The following RBPMS variants were observed in gnomAD, a reference collection of about 807,000 sequenced individuals.
The protein encoded by RBPMS is RNA-binding protein with multiple splicing.
RBPMS carries 7 observed loss-of-function variants against 26.8 expected under a neutral mutation model. The ratio of observed to expected loss-of-function variants is 0.26; its 90% CI spans 0.15 to 0.49. The LOEUF is 0.49. Among genes scored for constraint, RBPMS ranks in the 20% least tolerant of loss-of-function variants. RBPMS has a pLI of 0.98. For missense variants in RBPMS, 186 were observed against 250.0 expected, an observed-to-expected ratio of 0.74 and a Z score of 1.73; for synonymous variants, 96 against 93.3, an observed-to-expected ratio of 1.03 and a Z score of -0.17.
intron 4 of RBPMS, among the ~76,000 whole-genome samples, chr8:30,497,725 T>TG (rs1485541050): frequency 2.0e-5 from 3 of 152,026 alleles, no homozygotes; most frequent in African/African-American, 7.2e-5. Context: ...CACACAGTTC[T>TG]CCTGCCTCAG....
chr8:30,545,446 T>G (rs985336257), intron 6 of RBPMS: 2 of 1,011,760 alleles, frequency 2.0e-6, no homozygotes, highest in African/African-American at 3.5e-5. Flanking sequence ...CAAAGATTGA[T>G]GACCAGTAAC....
chr8:30,437,749 C>T (rs6997463), intron 1 of RBPMS, among the ~76,000 whole-genome samples: 1,546 of 150,682 alleles, frequency 0.01, 30 homozygotes, highest in African/African-American at 0.035. Flanking sequence ...CCAGATCACG[C>T]CACTGCACTC....
chr8:30,469,830 T>G (rs910688374), intron 1 of RBPMS, among the ~76,000 whole-genome samples: 9 of 152,226 alleles, frequency 5.9e-5, no homozygotes, highest in African/African-American at 2.4e-5. Context: ...TCATCATAAA[T>G]TTACATGCTG....
At chr8:30,499,417 G>C (rs1820323371) in intron 4 of RBPMS, among the ~76,000 whole-genome samples, 1 of 152,128 alleles carries the variant, frequency 6.6e-6, no homozygotes, top group South Asian at 2.1e-4. Context: ...GGAAATATCT[G>C]TCTATAAGAA....
chr8:30,499,279 G>C (rs947766865), intron 4 of RBPMS, among the ~76,000 whole-genome samples: 3 of 152,122 alleles, frequency 2.0e-5, no homozygotes, highest in Non-Finnish European at 2.9e-5. Context: ...GGTGGCAGCA[G>C]GGAGGAGCAA....
intron 1 of RBPMS, among the ~76,000 whole-genome samples, chr8:30,392,590 G>A (rs1807912396): frequency 6.6e-6 from 1 of 152,212 alleles, no homozygotes. Context: ...AAAAGTTGTT[G>A]AGAACCATTC....
chr8:30,431,607 T>C (rs761527416), intron 1 of RBPMS, among the ~76,000 whole-genome samples: 46 of 151,840 alleles, frequency 3.0e-4, no homozygotes, highest in Non-Finnish European at 5.4e-4. Flanking sequence ...TGCACCACCA[T>C]GCCCAGCTAA....
chr8:30,521,546 T>A (rs1823023368), intron 5 of RBPMS, among the ~76,000 whole-genome samples: 1 of 152,218 alleles, frequency 6.6e-6, no homozygotes, highest in African/African-American at 2.4e-5. Flanking sequence ...AATGCTTATT[T>A]CCCTGCTTCT....
At chr8:30,551,016 T>C (rs1222085890) in intron 6 of RBPMS, among the ~76,000 whole-genome samples, 1 of 152,238 alleles carries the variant, frequency 6.6e-6, no homozygotes, top group Non-Finnish European at 1.5e-5. Flanking sequence ...CCCACAGTCC[T>C]TCTGCTAGTA....
intron 1 of RBPMS, among the ~76,000 whole-genome samples, chr8:30,446,059 A>G (rs2150726431): frequency 6.6e-6 from 1 of 152,358 alleles, no homozygotes; most frequent in African/African-American, 2.4e-5. Context: ...TTGGAGCATT[A>G]AATCAAAATT....
Position 30,435,524 on chromosome 8 carries a change from A to G in RBPMS, c.67-39255A>G, listed in dbSNP as rs555935967. On this transcript the variant is annotated intron_variant, in intron 1 of 8. Coordinates refer to ENST00000397323, the MANE Select transcript of RBPMS (RefSeq NM_001008710.3). ...TCATGGTACCAGTATTTTATGATAC[A>G]TGACATAGATTCAAAGCCTTTTGCT... Among the ~76,000 whole-genome samples the G allele has an allele frequency of 7.2e-5, 11 of 152,232 alleles. 1 individual carries two copies. In the South Asian group the frequency reaches 2.3e-3, roughly 31 times the overall value.
intron 8 of RBPMS, among the ~76,000 whole-genome samples, chr8:30,567,398 A>C (rs10099372): frequency 3.3e-5 from 5 of 152,096 alleles, no homozygotes; most frequent in Non-Finnish European, 7.4e-5. Flanking sequence ...CATTTTTCCC[A>C]GGGTGCCTGT....
chr8:30,544,853 TCTTC>T lies in RBPMS; in HGVS notation c.528+233_528+236del. On this transcript the variant is annotated intron_variant, in intron 6 of 8. Transcript: ENST00000397323. ...ATGTTTGCCCCAAATGACACCTCTC[TCTTC>T]CTTAATGATCTCACCTCATATCGCA... 2 of 1,517,778 alleles carry T rather than the reference TCTTC, an allele frequency of 1.3e-6. 1 individual carries two copies. The highest frequency in any genetic ancestry group is 2.5e-5 in the South Asian group (2 of 80,264). The allele number at this position is 1,517,778 out of a possible 1,614,324, so 94.0% of individuals were successfully genotyped here. A position where few individuals can be genotyped will look rare whatever the true frequency, so the allele number is the denominator to read the frequency against.
At chr8:30,507,017 A>G (rs1821142361) in intron 5 of RBPMS, among the ~76,000 whole-genome samples, 3 of 152,194 alleles carry the variant, frequency 2.0e-5, no homozygotes, top group Non-Finnish European at 1.5e-5. Context: ...TGAAGGACAT[A>G]TAAGAGATTC....
chr8:30,457,685 A>G (rs1815391250), intron 1 of RBPMS, among the ~76,000 whole-genome samples: 2 of 147,836 alleles, frequency 1.4e-5, no homozygotes, highest in Non-Finnish European at 3.0e-5. Flanking sequence ...TCCCGGGTTC[A>G]AGTGATTCTC....
At chr8:30,483,781 A>G (rs1818513267) in intron 4 of RBPMS, among the ~76,000 whole-genome samples, 1 of 151,852 alleles carries the variant, frequency 6.6e-6, no homozygotes, top group Admixed American at 6.6e-5. Flanking sequence ...CCTTTTCCCC[A>G]GCCCCTGGTA....
At chr8:30,429,055 T>C (rs181870975) in intron 1 of RBPMS, among the ~76,000 whole-genome samples, 225 of 152,318 alleles carry the variant, frequency 1.5e-3, no homozygotes, top group South Asian at 2.7e-3. Context: ...CTTTCCTTAG[T>C]GTATTTTATT....
intron 4 of RBPMS, among the ~76,000 whole-genome samples, chr8:30,479,893 T>C (rs1366882549): frequency 6.6e-6 from 1 of 152,176 alleles, no homozygotes; most frequent in Non-Finnish European, 1.5e-5. Context: ...ACGTGTGTTG[T>C]AATAGAATAA....
intron 1 of RBPMS, among the ~76,000 whole-genome samples, chr8:30,392,487 A>C (rs1350275079): frequency 6.6e-6 from 1 of 152,068 alleles, no homozygotes; most frequent in Non-Finnish European, 1.5e-5. Context: ...AGGGAATTGG[A>C]CTTTGTCCTC....
Sources: allele counts gnomAD v4.1 joint callset (sites outside exome capture counted in the v4.1 genomes callset), GRCh38; gene constraint gnomAD v4.1.1; transcripts MANE v1.5; gene names NCBI Gene and HGNC (gene_info 2026-07-23, HGNC 2026-07-21).